Variants in CPZ observed in about 807,000 individuals in gnomAD.
CPZ encodes carboxypeptidase Z.
In CPZ, 103 loss-of-function variants were observed where a neutral mutation model predicts 61.8. The observed-to-expected ratio is 1.67, with a 90% CI of 1.42 to 1.96. The LOEUF (loss-of-function observed/expected upper bound fraction) is 1.96. Ranked by LOEUF, CPZ falls within the 30% of genes most tolerant of loss-of-function variation. The pLI is 0.00. For synonymous variants in CPZ, 551 were observed against 373.7 expected (o/e 1.47, Z -5.47); for missense variants, 1,461 against 914.9 (o/e 1.60, Z -7.70).
chr4:8,597,380 A>G (rs866669697), intron 1 of CPZ: 3 of 152,030 alleles, frequency 2.0e-5, no homozygotes, highest in South Asian at 2.1e-4. Context: ...CTTTTTTCCT[A>G]AAGTTCAAGC....
chr4:8,607,237 C>G (rs371852436), intron 6 of CPZ, 30 bp from the exon 7 acceptor site: 164 of 1,608,936 alleles, frequency 1.0e-4, no homozygotes, highest in Non-Finnish European at 1.3e-4. Flanking sequence ...AAAGCCCAGC[C>G]CTGAGGGCGG....
intron 8 of CPZ, among the ~76,000 whole-genome samples, chr4:8,613,711 G>C (rs1046963720): frequency 1.3e-5 from 2 of 152,228 alleles, no homozygotes; most frequent in Non-Finnish European, 2.9e-5. Flanking sequence ...ATGGCACAGA[G>C]GGCAGAAGCG....
At chr4:8,594,128 G>C (rs569712077) in intron 1 of CPZ, among the ~76,000 whole-genome samples, 1 of 152,324 alleles carries the variant, frequency 6.6e-6, no homozygotes, top group African/African-American at 2.4e-5. Context: ...GCATGGGCTG[G>C]TCTCTGTCCC....
chr4:8,613,131 TC>T (rs1259017663), intron 8 of CPZ, among the ~76,000 whole-genome samples: 1 of 134,364 alleles, frequency 7.4e-6, no homozygotes, highest in Non-Finnish European at 1.6e-5. Context: ...CCCTCTCTGT[TC>T]CTTTTTTTTT....
In CPZ at chr4:8,607,338, TG is replaced by T. The variant is rs1715120514; in HGVS notation, c.1145del (p.Gly382AlafsTer43). On this transcript the variant is annotated frameshift_variant, in exon 7 of 11. Transcript: ENST00000360986. LOFTEE classifies it high-confidence loss of function. ...CCTTTGTGCTCTCAGCCAGCCTTCA[TG>T]GGGGCGACCTGGTGGTGTCCTACCC... The part of the protein sequence containing the change: ...IPFVLSASLH[G>X]GDLVVSYPFD... The T allele has an allele frequency of 1.2e-6, 2 of 1,613,982 alleles. No homozygotes were observed. Among genetic ancestry groups the T allele is most frequent in the Non-Finnish European group, 1.7e-6 (2 of 1,179,984 alleles).
intron 2 of CPZ, 61 bp downstream of exon 2, chr4:8,599,546 C>T (rs1362491075): frequency 3.1e-6 from 5 of 1,603,594 alleles, no homozygotes; most frequent in African/African-American, 1.3e-5. Context: ...CCCACACTGT[C>T]AGAGCACTTT....
chr4:8,618,288 G>A lies in CPZ; in HGVS notation c.1504-141G>A, dbSNP rs113973256. 2.1e-3 allele frequency: 1,437 copies of A among 691,462 alleles called. 21 individuals carry two copies. In the African/African-American group the frequency reaches 0.022, roughly 10 times the overall value. 42.8% of individuals were successfully genotyped at this position (691,462 alleles called of 1,614,324 possible). ...ACTGACTCGTTAAAGATGGCAGAGCGAGGGCTGGCAGAGTGGGGCTCTGTG... is the reference window on the plus strand; with the variant it reads ...ACTGACTCGTTAAAGATGGCAGAGCAAGGGCTGGCAGAGTGGGGCTCTGTG... On this transcript the variant is annotated intron_variant, in intron 9 of 10. Transcript: ENST00000360986.
Position 8,607,426 on chromosome 4 carries a change from G to A in CPZ, c.1227+1G>A, listed in dbSNP as rs199594341. 39 of 1,613,814 alleles carry A rather than the reference G, an allele frequency of 2.4e-5. No individual in the cohort carries two copies. In the East Asian group the frequency reaches 7.6e-4, roughly 31 times the overall value. On this transcript the variant is annotated splice_donor_variant, in intron 7 of 10. Coordinates refer to ENST00000360986, the MANE Select transcript of CPZ (RefSeq NM_001014447.3). LOFTEE classifies it high-confidence loss of function. ...GTTTTCTCCCACGCCCGACGAGAAG[G>A]TGAGAGGGCTGTCGGGTGTGTGCAG... is the stretch of plus-strand genomic sequence containing the variant.
At position 8,604,037 on chromosome 4, in the gene CPZ, C is replaced by T. The variant is rs930621936; in HGVS notation, c.558C>T (p.Ser186=). 4 of 1,612,134 alleles carry T rather than the reference C, an allele frequency of 2.5e-6. No homozygotes were observed. Among genetic ancestry groups the T allele is most frequent in the Admixed American group, 1.7e-5 (1 of 60,020 alleles). The change falls in exon 4 of 11, where the codon AGC becomes AGT. Residue 186 remains serine (S), a synonymous_variant. Coordinates refer to ENST00000360986, the MANE Select transcript of CPZ (RefSeq NM_001014447.3). ...TGCCGCCCACCTTCATCCGCTTCAG[C>T]CACCACTCCTACGCCCAGATGGTGC... ...SGLPPTFIRF[S]HHSYAQMVRV... is the part of the protein sequence containing the mutation.
At position 8,619,682 on chromosome 4, in the gene CPZ, C is replaced by A; in HGVS notation, c.*65C>A. ...CCATCTCCGCATCCCGGGCTCCTGG[C>A]TCTTGATTTTGTCTGCCACAGACAT... On this transcript the variant is annotated 3_prime_UTR_variant, in exon 11 of 11. Transcript: ENST00000360986. 1.6e-6 allele frequency: 2 copies of A among 1,281,786 alleles called. No individual in the cohort carries two copies. The highest frequency in any genetic ancestry group is 2.1e-6 in the Non-Finnish European group (2 of 964,280). 79.4% of individuals were successfully genotyped at this position (1,281,786 alleles called of 1,614,324 possible). A position where few individuals can be genotyped will look rare whatever the true frequency, so the allele number is the denominator to read the frequency against.
intron 9 of CPZ, among the ~76,000 whole-genome samples, chr4:8,614,790 G>A (rs549433319): frequency 1.3e-5 from 2 of 152,312 alleles, no homozygotes; most frequent in Non-Finnish European, 2.9e-5. Flanking sequence ...ATGGGCCTGG[G>A]CAGCCCGGCG....
rs569729301 is a variant in CPZ at position 8,616,051 on chromosome 4, T to G, written c.1503+1553T>G. On this transcript the variant is annotated intron_variant, in intron 9 of 10. Coordinates refer to ENST00000360986, the MANE Select transcript of CPZ (RefSeq NM_001014447.3). ...CATGAGGTTGAAGGAGCCTCGGATGTGGCTGGCATTGCTCCTGGATATTAC... is the reference window on the plus strand; with the variant it reads ...CATGAGGTTGAAGGAGCCTCGGATGGGGCTGGCATTGCTCCTGGATATTAC... Among the ~76,000 whole-genome samples, 7 of 152,322 alleles carry G rather than the reference T, an allele frequency of 4.6e-5. No homozygotes were observed. The South Asian group carries it at 1.2e-3, about 27-fold the overall frequency.
intron 5 of CPZ, among the ~76,000 whole-genome samples, chr4:8,606,446 G>A (rs773863043): frequency 2.2e-4 from 33 of 152,198 alleles, no homozygotes; most frequent in Non-Finnish European, 3.8e-4. Context: ...GTGTGTGTCA[G>A]CGGGGGGTCA....
chr4:8,611,428 T>G (rs944944141), intron 7 of CPZ, among the ~76,000 whole-genome samples: 3 of 152,028 alleles, frequency 2.0e-5, no homozygotes, highest in African/African-American at 7.2e-5. Context: ...ATGTCAAGGG[T>G]GGCAGATCCT....
intron 1 of CPZ, among the ~76,000 whole-genome samples, chr4:8,593,185 G>A (rs532489475): frequency 2.8e-4 from 42 of 152,334 alleles, no homozygotes; most frequent in African/African-American, 8.7e-4. Flanking sequence ...GGGCCGGGGG[G>A]TGAGATCTTT....
Position 8,601,491 on chromosome 4 carries a change from C to G in CPZ, c.490C>G (p.Leu164Val). 6.8e-7 allele frequency: 1 copy of G among 1,475,980 alleles called. No individual in the cohort carries two copies. The highest frequency in any genetic ancestry group is 9.0e-7 in the Non-Finnish European group (1 of 1,111,814). 91.4% of individuals were successfully genotyped at this position (1,475,980 alleles called of 1,614,324 possible). Reference sequence around the variant, plus strand: ...GGGCTGCTATGACCCGCTGGAGAAGCTTCGGGGTAAGGGAAAGTGGCGGGG... The same window carrying G: ...GGGCTGCTATGACCCGCTGGAGAAGGTTCGGGGTAAGGGAAAGTGGCGGGG... The part of the protein sequence containing the change: ...DEGCYDPLEK[L>V]RGGLEADEAL... The change falls in exon 3 of 11, where the codon CTT becomes GTT. Residue 164 changes from leucine to valine, a missense_variant. Physicochemically the swap from Leu to Val is conservative, Grantham distance 32. Coordinates refer to ENST00000360986, the MANE Select transcript of CPZ (RefSeq NM_001014447.3).
chr4:8,611,561 G>A (rs1433130406), intron 7 of CPZ, among the ~76,000 whole-genome samples: 1 of 152,212 alleles, frequency 6.6e-6, no homozygotes, highest in African/African-American at 2.4e-5. Context: ...GAGGTGGAGT[G>A]GGGTGGGGAA....
rs1281181121 is a variant in CPZ, at chr4:8,592,895, G to A, written c.62G>A (p.Gly21Glu). The A allele has an allele frequency of 4.6e-6, 7 of 1,535,210 alleles. No homozygotes were observed. The highest frequency in any genetic ancestry group is 1.4e-5 in the African/African-American group (1 of 72,642). The change falls in exon 1 of 11, where the codon GGG (glycine) becomes GAG (glutamate). Residue 21 changes from glycine (G) to glutamate (E), a missense_variant. By Grantham distance (98) the Gly-to-Glu change is moderately conservative (BLOSUM62 -2). Coordinates refer to ENST00000360986, the MANE Select transcript of CPZ (RefSeq NM_001014447.3). ...TVLVVAAARP[G>E]CEFERNPAGE... ...CTGGTCGTCGCCGCTGCCCGGCCGG[G>A]GTGCGAGTTTGAGCGGAACCCCGCC...
intron 9 of CPZ, chr4:8,618,164 A>G (rs1716359668): frequency 2.1e-6 from 1 of 478,442 alleles, no homozygotes; most frequent in East Asian, 3.9e-5. Flanking sequence ...ATAGAGATGG[A>G]GTCAGCCAGG....
Sources: allele counts gnomAD v4.1 joint callset (sites outside exome capture counted in the v4.1 genomes callset), GRCh38; gene constraint gnomAD v4.1.1; transcripts MANE v1.5; gene names NCBI Gene and HGNC (gene_info 2026-07-23, HGNC 2026-07-21).